The following BRD4 variants were observed in gnomAD, a reference collection of about 807,000 sequenced individuals.
The protein encoded by BRD4 is bromodomain-containing protein 4.
BRD4 carries 16 observed loss-of-function variants against 142.1 expected under a neutral mutation model. The ratio of observed to expected loss-of-function variants is 0.11; its 90% CI spans 0.08 to 0.17. BRD4 has a LOEUF of 0.17. BRD4 is among the 10% of genes least tolerant of loss of function. The pLI, the probability that BRD4 is intolerant of heterozygous loss-of-function variation, is 1.00. For synonymous variants in BRD4, 833 were observed against 707.5 expected (o/e 1.18, Z -2.82); for missense variants, 1,424 against 1,810.9 (o/e 0.79, Z 3.88).
At chr19:15,274,156 A>C (rs2047621102) in intron 1 of BRD4, among the ~76,000 whole-genome samples, 1 of 152,314 alleles carries the variant, frequency 6.6e-6, no homozygotes, top group Non-Finnish European at 1.5e-5. Context: ...CTTGCTGGGA[A>C]CCTTGGGTCC....
chr19:15,254,094 A>G, intron 11 of BRD4, 58 bp downstream of exon 11: 2 of 1,427,672 alleles, frequency 1.4e-6, no homozygotes, highest in South Asian at 1.2e-5. Flanking sequence ...GGACCGAGCT[A>G]GTGCCAGGCA....
Position 15,238,894 on chromosome 19 carries a change from CGCT to C in BRD4, c.3866_3868del (p.Gln1289del), listed in dbSNP as rs748141481. 171 of 1,593,628 alleles carry C rather than the reference CGCT, an allele frequency of 1.1e-4. No homozygotes were observed. The highest frequency in any genetic ancestry group is 2.1e-4 in the Admixed American group (12 of 57,782). The stretch of plus-strand genomic sequence containing the variant: ...TTGCTGCTGCTGCTGTTGCTCCTGG[CGCT>C]GCTGCTGCTGCTGCTCCTGGCGCCG... On this transcript the variant is annotated inframe_deletion, in exon 19 of 20. Transcript: ENST00000679869. This position sits in a 1 kb window ranked among gnomAD's most constrained non-coding sequence, Gnocchi z 7.2.
chr19:15,310,680 A>C (rs2047962320), intron 1 of BRD4, among the ~76,000 whole-genome samples: 1 of 150,560 alleles, frequency 6.6e-6, no homozygotes. Context: ...TTTTTATTAG[A>C]GACGGGGTTT....
chr19:15,318,435 A>G (rs1220267680), intron 1 of BRD4, among the ~76,000 whole-genome samples: 3 of 152,120 alleles, frequency 2.0e-5, no homozygotes, highest in Non-Finnish European at 4.4e-5. Flanking sequence ...CTTCCACCAG[A>G]CAAGGATGTG....
chr19:15,327,010 G>A (rs140934945), intron 1 of BRD4, among the ~76,000 whole-genome samples: 164 of 152,144 alleles, frequency 1.1e-3, no homozygotes, highest in African/African-American at 3.9e-3. Context: ...AAAACCAAAC[G>A]GTGACCAAAC....
At chr19:15,294,785 A>G (rs1384344000) in intron 1 of BRD4, among the ~76,000 whole-genome samples, 1 of 152,150 alleles carries the variant, frequency 6.6e-6, no homozygotes, top group Non-Finnish European at 1.5e-5. Flanking sequence ...CCTGGCCAAC[A>G]TCCAAGGTGC....
intron 14 of BRD4, among the ~76,000 whole-genome samples, chr19:15,241,574 A>T (rs2047238157): frequency 6.6e-6 from 1 of 152,324 alleles, no homozygotes; most frequent in Admixed American, 6.5e-5. Context: ...CCTGAAGTAG[A>T]GCTGGCTGGA....
intron 1 of BRD4, among the ~76,000 whole-genome samples, chr19:15,328,058 T>C (rs1280438036): frequency 6.6e-6 from 1 of 152,110 alleles, no homozygotes; most frequent in East Asian, 1.9e-4. Flanking sequence ...AGATGTTTGG[T>C]AGGATTTTAC....
At chr19:15,318,404 A>G (rs2048033962) in intron 1 of BRD4, among the ~76,000 whole-genome samples, 1 of 152,208 alleles carries the variant, frequency 6.6e-6, no homozygotes, top group African/African-American at 2.4e-5. Flanking sequence ...ATTCAAGTTT[A>G]TGGTATTATA....
chr19:15,276,076 A>AC (rs1261746662), intron 1 of BRD4, among the ~76,000 whole-genome samples: 1 of 152,178 alleles, frequency 6.6e-6, no homozygotes, highest in Non-Finnish European at 1.5e-5. Flanking sequence ...GGACTCCTGC[A>AC]CCCACTCTGG....
intron 1 of BRD4, among the ~76,000 whole-genome samples, chr19:15,282,913 C>CTATG (rs1293878260): frequency 5.3e-5 from 8 of 152,262 alleles, no homozygotes; most frequent in African/African-American, 1.7e-4. Flanking sequence ...AGCAGTTAAG[C>CTATG]TATGATCATG....
chr19:15,244,675 C>G, intron 12 of BRD4, 35 bp downstream of exon 12: 1 of 1,614,110 alleles, frequency 6.2e-7, no homozygotes, highest in Non-Finnish European at 8.5e-7. Flanking sequence ...GACCCAACGT[C>G]CCACCTAATG....
Position 15,244,447 on chromosome 19 carries a change from C to T in BRD4, c.2365G>A (p.Ala789Thr). Residue 789 changes from alanine to threonine, a missense_variant, in exon 13 of 20, where the codon GCA becomes ACA. Physicochemically the swap from Ala to Thr is moderately conservative, Grantham distance 58. Coordinates refer to ENST00000679869, the MANE Select transcript of BRD4 (RefSeq NM_001379291.1). Reference sequence around the variant, plus strand: ...GGCGAGGACTTCATCGCCGGGGCTGCCTGCTGCGGCATGGAGGGTGGGGGA... The same window carrying T: ...GGCGAGGACTTCATCGCCGGGGCTGTCTGCTGCGGCATGGAGGGTGGGGGA... Reference protein sequence around the residue: ...PPPPPSMPQQAAPAMKSSPPP... With the variant: ...PPPPPSMPQQTAPAMKSSPPP... 2 of 1,546,726 alleles carry T rather than the reference C, an allele frequency of 1.3e-6. No individual in the cohort carries two copies. The highest frequency in any genetic ancestry group is 1.7e-6 in the Non-Finnish European group (2 of 1,154,364).
chr19:15,275,243 T>C (rs2047634117), intron 1 of BRD4, among the ~76,000 whole-genome samples: 1 of 152,206 alleles, frequency 6.6e-6, no homozygotes, highest in Non-Finnish European at 1.5e-5. Flanking sequence ...ATTTGGTGTT[T>C]TAAGCCATTG....
At chr19:15,299,090 G>T (rs1449000779) in intron 1 of BRD4, among the ~76,000 whole-genome samples, 1 of 152,204 alleles carries the variant, frequency 6.6e-6, no homozygotes, top group Non-Finnish European at 1.5e-5. Flanking sequence ...GCCCACCGGG[G>T]TGGCTAGGTA....
At chr19:15,253,437 G>A in intron 11 of BRD4, 1 of 945,890 alleles carries the variant, frequency 1.1e-6, no homozygotes. Context: ...TCAGAAGGTG[G>A]GCTCTAATGG....
chr19:15,249,177 TG>T, intron 11 of BRD4: 4 of 1,585,616 alleles, frequency 2.5e-6, no homozygotes, highest in Non-Finnish European at 3.5e-6. Context: ...CATAACTTGA[TG>T]GAGTCCTGTC....
intron 2 of BRD4, among the ~76,000 whole-genome samples, chr19:15,270,712 C>A (rs949930745): frequency 3.3e-5 from 5 of 152,124 alleles, no homozygotes; most frequent in African/African-American, 1.2e-4. Flanking sequence ...CATCAGAAAA[C>A]AGACAAGGAA....
rs574864290 is a variant in BRD4, at chr19:15,318,593, G to A, written c.-35+13697C>T. 1.1e-4 allele frequency among the ~76,000 whole-genome samples: 16 copies of A among 152,282 alleles called. No homozygotes were observed. In the South Asian group the frequency reaches 1.9e-3, roughly 18 times the overall value. ...CAGTGCATGCGTAAGCAAATGTCCC[G>A]CAGCACAGGGCACACATTAAGCCAC... On this transcript the variant is annotated intron_variant, in intron 1 of 19. Coordinates refer to ENST00000679869, the MANE Select transcript of BRD4 (RefSeq NM_001379291.1).
Sources: allele counts gnomAD v4.1 joint callset (sites outside exome capture counted in the v4.1 genomes callset), GRCh38; gene constraint gnomAD v4.1.1; non-coding constraint Gnocchi (gnomAD v3.1); transcripts MANE v1.5; gene names NCBI Gene and HGNC (gene_info 2026-07-23, HGNC 2026-07-21).